UNC79: variants seen among roughly 807,000 people sequenced by gnomAD.
The protein encoded by UNC79 is unc-79 subunit of NALCN channel complex.
In UNC79, 37 loss-of-function variants were observed where a neutral mutation model predicts 283.1. That is an observed-to-expected ratio of 0.13 (90% confidence interval 0.10 to 0.17). UNC79 has a LOEUF of 0.17. UNC79 is among the 10% of genes least tolerant of loss of function. The pLI is 1.00. For synonymous variants in UNC79, 1,107 were observed against 1,200.2 expected (o/e 0.92, Z 1.61); for missense variants, 2,272 against 3,211.1 (o/e 0.71, Z 7.07).
chr14:93,572,359 A>G (rs1310785965), intron 15 of UNC79, among the ~76,000 whole-genome samples: 1 of 152,246 alleles, frequency 6.6e-6, no homozygotes, highest in Non-Finnish European at 1.5e-5. Flanking sequence ...TATAATTATA[A>G]TTGGTGGGAT....
At chr14:93,582,344 G>A in exon 20 of UNC79, 1 of 1,613,904 alleles carries the variant, frequency 6.2e-7, no homozygotes, top group Non-Finnish European at 8.5e-7. Context: ...GGAACATGCT[G>A]GTAGGTGTGC....
At chr14:93,603,908 G>A (rs1173038181) in intron 26 of UNC79, among the ~76,000 whole-genome samples, 2 of 151,974 alleles carry the variant, frequency 1.3e-5, no homozygotes, top group African/African-American at 2.4e-5. Flanking sequence ...TTGAAATAGA[G>A]AAATCGGGCT....
At chr14:93,541,571 G>T (rs7151050) in intron 13 of UNC79, among the ~76,000 whole-genome samples, 131,180 of 152,240 alleles carry the variant, frequency 0.86, 56,624 homozygotes, top group East Asian at 0.94. Context: ...CTAGAAGTTA[G>T]TATTTAATGA....
intron 2 of UNC79, 44 bp downstream of exon 2, chr14:93,467,835 G>T: frequency 6.9e-7 from 1 of 1,459,618 alleles, no homozygotes. Flanking sequence ...TTATTAGGTA[G>T]TATTGCTGAA....
intron 11 of UNC79, among the ~76,000 whole-genome samples, chr14:93,536,451 C>T (rs1283116442): frequency 6.6e-6 from 1 of 152,148 alleles, no homozygotes; most frequent in Non-Finnish European, 1.5e-5. Flanking sequence ...CTGTCATTTA[C>T]AGCTAAGTAG....
chr14:93,340,370 A>G (rs2053677943), intron 1 of UNC79, among the ~76,000 whole-genome samples: 1 of 144,314 alleles, frequency 6.9e-6, no homozygotes, highest in Non-Finnish European at 1.5e-5. Context: ...TGAACCCAGG[A>G]GGCGGAGCTT....
chr14:93,661,870 G>A (rs2071634586), intron 39 of UNC79, among the ~76,000 whole-genome samples: 1 of 152,158 alleles, frequency 6.6e-6, no homozygotes, highest in Admixed American at 6.6e-5. Context: ...GCTAGAGTGT[G>A]AAAACCCTTG....
chr14:93,618,473 A>T, intron 29 of UNC79, 119 bp downstream of exon 30: 8 of 1,161,882 alleles, frequency 6.9e-6, no homozygotes, highest in Non-Finnish European at 9.0e-6. Context: ...AAAAAAAATC[A>T]CTTTCTTAAT....
chr14:93,702,713 GT>G (rs1183488759), intron 47 of UNC79, among the ~76,000 whole-genome samples: 3 of 152,200 alleles, frequency 2.0e-5, no homozygotes, highest in African/African-American at 7.2e-5. Context: ...GTGTCCCCCA[GT>G]TTGCCCAGGT....
chr14:93,586,529 G>C, intron 20 of UNC79, 67 bp from the exon 21 acceptor site: 1 of 1,406,166 alleles, frequency 7.1e-7, no homozygotes, highest in East Asian at 2.3e-5. Flanking sequence ...TTATGATCTT[G>C]ATAAATTGAT....
At chr14:93,402,246 C>A in intron 1 of UNC79, among the ~76,000 whole-genome samples, 1 of 120,976 alleles carries the variant, frequency 8.3e-6, no homozygotes, top group African/African-American at 3.2e-5. Flanking sequence ...CACTGCATTC[C>A]AGCCTGAGTG....
intron 1 of UNC79, among the ~76,000 whole-genome samples, chr14:93,423,307 A>T (rs920433254): frequency 1.3e-5 from 2 of 152,202 alleles, no homozygotes; most frequent in Admixed American, 6.5e-5. Context: ...TATAGATTCA[A>T]TTCAAGCCCT....
rs142429408 is a variant in UNC79, at chr14:93,451,097, C to G, written c.23-16574C>G. 4.6e-5 allele frequency among the ~76,000 whole-genome samples: 7 copies of G among 151,350 alleles called. No individual in the cohort carries two copies. In the East Asian group the frequency reaches 1.4e-3, roughly 29 times the overall value. On this transcript the variant is annotated intron_variant, in intron 1 of 48. Transcript: ENST00000555664. Reference sequence around the variant, plus strand: ...TTCATTTATAGGTAGAGTATCTTATCTTTCTGATATTAATAACAGGTTTTT... The same window carrying G: ...TTCATTTATAGGTAGAGTATCTTATGTTTCTGATATTAATAACAGGTTTTT...
At chr14:93,393,543 G>A (rs2054928147) in intron 1 of UNC79, among the ~76,000 whole-genome samples, 1 of 152,130 alleles carries the variant, frequency 6.6e-6, no homozygotes, top group Middle Eastern at 3.2e-3. Flanking sequence ...AGACATTAAA[G>A]TATTACATAA....
intron 1 of UNC79, among the ~76,000 whole-genome samples, chr14:93,466,610 G>C (rs2057194521): frequency 6.6e-6 from 1 of 152,198 alleles, no homozygotes; most frequent in Non-Finnish European, 1.5e-5. Flanking sequence ...GAGTTAGAAT[G>C]CATCCAGGAG....
At chr14:93,559,311 C>T (rs1032555843) in intron 14 of UNC79, among the ~76,000 whole-genome samples, 3 of 152,250 alleles carry the variant, frequency 2.0e-5, no homozygotes, top group African/African-American at 4.8e-5. Flanking sequence ...GCCGCTTCAA[C>T]GGCCAAGACT....
At chr14:93,695,385 C>T (rs76654420) in intron 47 of UNC79, among the ~76,000 whole-genome samples, 11 of 152,322 alleles carry the variant, frequency 7.2e-5, no homozygotes, top group African/African-American at 1.7e-4. Context: ...GAAAACTTGA[C>T]TGTTACCAGA....
At chr14:93,347,991 A>G in intron 1 of UNC79, 1 of 1,258,070 alleles carries the variant, frequency 7.9e-7, no homozygotes, top group South Asian at 1.2e-5. Flanking sequence ...TGGCCTAGGA[A>G]GCCATACTCA....
Position 93,384,216 on chromosome 14 carries a change from G to A in UNC79, c.-351+50693G>A, listed in dbSNP as rs545958227. The stretch of plus-strand genomic sequence containing the variant: ...TCCTTTCTTTTGGGTATATACCTAA[G>A]GAGTGGGATTGCTGGATCAAATGGT... On this transcript the variant is annotated intron_variant, in intron 1 of 49. Coordinates refer to the UNC79 transcript ENST00000256339. Among the ~76,000 whole-genome samples the A allele has an allele frequency of 2.6e-5, 4 of 152,312 alleles. No individual in the cohort carries two copies. In the South Asian group the frequency reaches 8.3e-4, roughly 32 times the overall value.
Sources: allele counts gnomAD v4.1 joint callset (sites outside exome capture counted in the v4.1 genomes callset), GRCh38; gene constraint gnomAD v4.1.1; transcripts MANE v1.5; gene names NCBI Gene and HGNC (gene_info 2026-07-23, HGNC 2026-07-21).